The following CEP112 variants were observed in gnomAD, a reference collection of about 807,000 sequenced individuals.
The protein encoded by CEP112 is centrosomal protein of 112 kDa.
CEP112 carries 127 observed loss-of-function variants against 153.0 expected under a neutral mutation model. The observed-to-expected ratio is 0.83, with a 90% CI of 0.72 to 0.96. CEP112 has a LOEUF of 0.96. CEP112 is among the 40% of genes least tolerant of loss of function. CEP112 has a pLI of 0.00. For synonymous variants in CEP112, 358 were observed against 374.4 expected, an observed-to-expected ratio of 0.96 and a Z score of 0.51; for missense variants, 1,089 against 1,101.2, an observed-to-expected ratio of 0.99 and a Z score of 0.16.
At chr17:65,651,069 T>C (rs1295639147) in intron 24 of CEP112, among the ~76,000 whole-genome samples, 1 of 152,130 alleles carries the variant, frequency 6.6e-6, no homozygotes, top group Non-Finnish European at 1.5e-5. Context: ...CAGTGTATAG[T>C]CTTTTATTCC....
chr17:65,655,150 T>A, intron 24 of CEP112: 1 of 747,836 alleles, frequency 1.3e-6, no homozygotes, highest in Non-Finnish European at 2.5e-6. Flanking sequence ...TGTCATTGAA[T>A]TAAAAGTGTA....
At chr17:65,899,542 GGAGTCCCCTA>G (rs1261134359) in intron 20 of CEP112, among the ~76,000 whole-genome samples, 1 of 151,802 alleles carries the variant, frequency 6.6e-6, no homozygotes, top group Non-Finnish European at 1.5e-5. Flanking sequence ...TCACCAAAAG[GGAGTCCCCTA>G]GTTGGAACGA....
At chr17:65,921,402 G>C (rs1051952547) in intron 19 of CEP112, among the ~76,000 whole-genome samples, 4 of 151,194 alleles carry the variant, frequency 2.6e-5, no homozygotes, top group African/African-American at 7.3e-5. Flanking sequence ...GTGGTCAGGG[G>C]AAACACTGTT....
At chr17:65,666,472 C>A (rs886696684) in intron 24 of CEP112, among the ~76,000 whole-genome samples, 2 of 152,136 alleles carry the variant, frequency 1.3e-5, no homozygotes, top group Non-Finnish European at 2.9e-5. Context: ...CTGGGTGAAG[C>A]CTTTGGTAAT....
intron 6 of CEP112, among the ~76,000 whole-genome samples, chr17:66,117,872 A>G (rs542670769): frequency 1.3e-5 from 2 of 152,340 alleles, no homozygotes; most frequent in South Asian, 4.1e-4. Flanking sequence ...CACTTCTCAG[A>G]AGAAGACATA....
chr17:66,056,205 G>A (rs187508481), intron 11 of CEP112, among the ~76,000 whole-genome samples: 15 of 152,228 alleles, frequency 9.9e-5, no homozygotes, highest in Middle Eastern at 3.4e-3. Flanking sequence ...CTACATATTC[G>A]TCTTTAACCA....
intron 20 of CEP112, among the ~76,000 whole-genome samples, chr17:65,870,886 C>CA (rs1218293170): frequency 6.6e-6 from 1 of 152,208 alleles, no homozygotes; most frequent in Admixed American, 6.5e-5. Flanking sequence ...GAATGTCATT[C>CA]AAGTAATTGG....
intron 24 of CEP112, among the ~76,000 whole-genome samples, chr17:65,671,566 A>G (rs1428513335): frequency 6.6e-6 from 1 of 152,244 alleles, no homozygotes; most frequent in Non-Finnish European, 1.5e-5. Context: ...ACTGTGGAAC[A>G]AACAGACATA....
At chr17:65,953,089 C>T (rs375298644) in intron 18 of CEP112, among the ~76,000 whole-genome samples, 2 of 151,900 alleles carry the variant, frequency 1.3e-5, no homozygotes, top group East Asian at 3.9e-4. Flanking sequence ...TTAATGATGT[C>T]TTTCAAAGAG....
chr17:66,066,084 A>G (rs2067106724), intron 10 of CEP112, among the ~76,000 whole-genome samples: 1 of 152,122 alleles, frequency 6.6e-6, no homozygotes, highest in African/African-American at 2.4e-5. Context: ...ATTTTACAAA[A>G]GTTCCTTTCC....
At chr17:66,003,596 T>C (rs1407978542) in intron 17 of CEP112, among the ~76,000 whole-genome samples, 1 of 152,206 alleles carries the variant, frequency 6.6e-6, no homozygotes, top group African/African-American at 2.4e-5. Flanking sequence ...TGTGTAAACA[T>C]TGTAGGTACT....
intron 21 of CEP112, among the ~76,000 whole-genome samples, chr17:65,833,180 A>G (rs1351347824): frequency 6.6e-6 from 1 of 152,236 alleles, no homozygotes; most frequent in Non-Finnish European, 1.5e-5. Flanking sequence ...AAAACTCTCG[A>G]TAAACCAGGC....
intron 20 of CEP112, among the ~76,000 whole-genome samples, chr17:65,865,465 T>G (rs1159596112): frequency 6.6e-6 from 1 of 152,150 alleles, no homozygotes; most frequent in African/African-American, 2.4e-5. Flanking sequence ...TAGATATATA[T>G]CTATAATACT....
chr17:65,663,071 T>C (rs2046477209), intron 24 of CEP112, among the ~76,000 whole-genome samples: 1 of 152,202 alleles, frequency 6.6e-6, no homozygotes, highest in South Asian at 2.1e-4. Flanking sequence ...ATAAGGGTAC[T>C]ATTTTATCTT....
intron 20 of CEP112, among the ~76,000 whole-genome samples, chr17:65,898,290 T>C (rs942698811): frequency 2.6e-5 from 4 of 152,104 alleles, no homozygotes; most frequent in African/African-American, 9.7e-5. Flanking sequence ...TAAAGAATGA[T>C]AGCCAATGTT....
chr17:65,857,921 G>C (rs1275384559), intron 20 of CEP112, among the ~76,000 whole-genome samples: 1 of 152,154 alleles, frequency 6.6e-6, no homozygotes. Flanking sequence ...CAATTTTTCT[G>C]ATGGTTATAG....
intron 12 of CEP112, among the ~76,000 whole-genome samples, chr17:66,036,538 GC>G (rs1260155056): frequency 6.6e-6 from 1 of 152,102 alleles, no homozygotes; most frequent in Non-Finnish European, 1.5e-5. Context: ...TATAGGTCAG[GC>G]ACTGTGCTAA....
chr17:66,052,234 T>A (rs1024524602), intron 12 of CEP112, among the ~76,000 whole-genome samples: 1 of 152,174 alleles, frequency 6.6e-6, no homozygotes, highest in Non-Finnish European at 1.5e-5. Context: ...CATAGTAAAT[T>A]GAGGAGCATC....
intron 17 of CEP112, among the ~76,000 whole-genome samples, chr17:65,968,406 G>T (rs890002442): frequency 6.6e-6 from 1 of 152,038 alleles, no homozygotes; most frequent in Admixed American, 6.6e-5. Context: ...TTTCAAGCAG[G>T]CAAATTTTCT....
Sources: allele counts gnomAD v4.1 joint callset (sites outside exome capture counted in the v4.1 genomes callset), GRCh38; gene constraint gnomAD v4.1.1; transcripts MANE v1.5; gene names NCBI Gene and HGNC (gene_info 2026-07-23, HGNC 2026-07-21).